Variants in EYA3 observed in about 807,000 individuals in gnomAD.
The protein encoded by EYA3 is protein phosphatase EYA3.
EYA3 carries 39 observed loss-of-function variants against 80.0 expected under a neutral mutation model. The ratio of observed to expected loss-of-function variants is 0.49; its 90% CI spans 0.38 to 0.64. The LOEUF is 0.64. Ranked by LOEUF, EYA3 falls within the 30% of genes least tolerant of loss-of-function variation. The probability of loss-of-function intolerance (pLI) is 0.00; values close to 1 mark genes in which losing one functional copy is unlikely to be tolerated. For synonymous variants in EYA3, 206 were observed against 232.8 expected (o/e 0.88, Z 1.05); for missense variants, 523 against 676.1 (o/e 0.77, Z 2.51).
In EYA3 at chr1:27,989,767, C is replaced by T. The variant is rs768493982; in HGVS notation, c.1348G>A (p.Ala450Thr). 1 of 1,611,750 alleles carries T rather than the reference C, an allele frequency of 6.2e-7. No homozygotes were observed. The highest frequency in any genetic ancestry group is 1.1e-5 in the South Asian group (1 of 90,840). The stretch of plus-strand genomic sequence containing the variant: ...GAATCTGTTAAAACTTCAATTTCTG[C>T]TCTTAATCTCTGCAGTGCTTCCTTC... ...QRKEALQRLRAEIEVLTDSWL... is the reference protein window; with the variant it reads ...QRKEALQRLRTEIEVLTDSWL... The change falls in exon 15 of 18, where the codon GCA becomes ACA. Residue 450 changes from alanine to threonine, a missense_variant. This residue lies in a region of EYA3 where 219 missense variants were observed against 332.8 expected (regional missense o/e 0.66). Transcript: ENST00000373871.
intron 1 of EYA3, among the ~76,000 whole-genome samples, chr1:28,079,571 G>A (rs965175715): frequency 6.6e-6 from 1 of 152,148 alleles, no homozygotes; most frequent in African/African-American, 2.4e-5. Flanking sequence ...GGATTCTAAC[G>A]ATAGAAGCTC....
chr1:28,010,090 C>A (rs1429390615), intron 10 of EYA3, among the ~76,000 whole-genome samples: 1 of 152,112 alleles, frequency 6.6e-6, no homozygotes, highest in Non-Finnish European at 1.5e-5. Flanking sequence ...AGGCTCAGTT[C>A]ACCTATGTCT....
intron 16 of EYA3, among the ~76,000 whole-genome samples, chr1:27,980,712 T>C (rs886838114): frequency 2.0e-5 from 3 of 152,178 alleles, no homozygotes; most frequent in African/African-American, 7.2e-5. Flanking sequence ...AGCCAAATCT[T>C]TGGAGAATAT....
In EYA3 at chr1:27,978,448, C is replaced by A; in HGVS notation, c.1567G>T (p.Val523Leu). The change falls in exon 17 of 18, where the codon GTG becomes TTG. Residue 523 changes from valine to leucine, a missense_variant. Transcript: ENST00000373871. ...IGKESCFERI[V>L]SRFGKKVTYV... Reference sequence around the variant, plus strand: ...GTGACTTTCTTTCCAAACCTTGACACAATTCTCTCAAAGCAGCTCTCCTTA... The same window carrying A: ...GTGACTTTCTTTCCAAACCTTGACAAAATTCTCTCAAAGCAGCTCTCCTTA... 2.5e-6 allele frequency: 4 copies of A among 1,614,070 alleles called. No homozygotes were observed. Among genetic ancestry groups the A allele is most frequent in the Non-Finnish European group, 3.4e-6 (4 of 1,179,976 alleles).
At chr1:28,050,293 A>T (rs931257453) in intron 2 of EYA3, among the ~76,000 whole-genome samples, 1 of 151,368 alleles carries the variant, frequency 6.6e-6, no homozygotes, top group Admixed American at 6.6e-5. Context: ...CCCGGGTTCA[A>T]GCAGTTCTTG....
rs1048944980 is a variant in EYA3, at chr1:27,989,954, A to G, written c.1304-143T>C. On this transcript the variant is annotated intron_variant, in intron 14 of 17. Coordinates refer to ENST00000373871, the MANE Select transcript of EYA3 (RefSeq NM_001990.4). ...TGTTTATATATATATATATACATAT[A>G]CGTATTTTTTTCCCATGAACACATG... is the stretch of plus-strand genomic sequence containing the variant. 17 of 408,170 alleles carry G rather than the reference A, an allele frequency of 4.2e-5. No individual in the cohort carries two copies. The East Asian group carries it at 4.8e-4, about 12-fold the overall frequency. The allele number at this position is 408,170 out of a possible 1,614,324, so 25.3% of individuals were successfully genotyped here. A position where few individuals can be genotyped will look rare whatever the true frequency, so the allele number is the denominator to read the frequency against.
chr1:27,994,688 C>T (rs1293619065), intron 13 of EYA3, among the ~76,000 whole-genome samples: 1 of 152,058 alleles, frequency 6.6e-6, no homozygotes, highest in Non-Finnish European at 1.5e-5. Context: ...TACCCCTGGC[C>T]AGGTGCAGTG....
Position 27,989,691 on chromosome 1 carries a change from C to A in EYA3, c.1418+6G>T. On this transcript the variant is annotated splice_donor_region_variant and intron_variant, in intron 15 of 17. Coordinates refer to ENST00000373871, the MANE Select transcript of EYA3 (RefSeq NM_001990.4). ...AGGATGAGACCTAAAAGAACCATTT[C>A]CATACCTGGACTGGATGAGAAGTAA... 6.3e-7 allele frequency: 1 copy of A among 1,581,082 alleles called. No individual in the cohort carries two copies.
intron 4 of EYA3, among the ~76,000 whole-genome samples, chr1:28,040,809 G>C (rs1236866442): frequency 7.0e-6 from 1 of 143,284 alleles, no homozygotes; most frequent in Admixed American, 7.4e-5. Flanking sequence ...AGAACAAAGA[G>C]AAGGTCCATA....
rs189170301 is a variant in EYA3 at position 28,047,697 on chromosome 1, G to A, written c.77+686C>T. On this transcript the variant is annotated intron_variant, in intron 3 of 17. Coordinates refer to ENST00000373871, the MANE Select transcript of EYA3 (RefSeq NM_001990.4). ...TCTGTCGCCCAGGCTGGAGTGCAGT[G>A]GCGCGATCTCAGCTCACCGCAAGCT... Among the ~76,000 whole-genome samples, 609 of 148,512 alleles carry A rather than the reference G, an allele frequency of 4.1e-3. 3 individuals carry two copies. The highest frequency in any genetic ancestry group is 0.014 in the African/African-American group (579 of 40,174).
chr1:28,014,041 T>A (rs1038735241), intron 8 of EYA3, among the ~76,000 whole-genome samples: 6 of 152,082 alleles, frequency 3.9e-5, no homozygotes, highest in Non-Finnish European at 8.8e-5. Flanking sequence ...CCAGCCTGGG[T>A]GACAAAGCGA....
intron 7 of EYA3, among the ~76,000 whole-genome samples, chr1:28,022,331 G>A (rs886343042): frequency 4.0e-5 from 6 of 151,846 alleles, no homozygotes; most frequent in Non-Finnish European, 7.4e-5. Context: ...TGTATTTTTA[G>A]TAGAGACAGG....
intron 16 of EYA3, 143 bp downstream of exon 16, chr1:27,988,392 C>T (rs1639807500): frequency 1.9e-5 from 17 of 900,114 alleles, no homozygotes; most frequent in Non-Finnish European, 2.6e-5. Context: ...AATTGCATTA[C>T]TGAAAATATT....
intron 1 of EYA3, among the ~76,000 whole-genome samples, chr1:28,060,516 T>C (rs1320493046): frequency 6.6e-6 from 1 of 152,216 alleles, no homozygotes; most frequent in Non-Finnish European, 1.5e-5. Context: ...GATTTTATAA[T>C]AGAAAAAGAA....
intron 17 of EYA3, chr1:27,977,371 T>G: frequency 6.4e-7 from 1 of 1,550,452 alleles, no homozygotes; most frequent in Non-Finnish European, 8.7e-7. Flanking sequence ...AATGCCTCCA[T>G]GTCTAAGAAA....
chr1:28,032,579 C>T (rs17257329), intron 6 of EYA3, among the ~76,000 whole-genome samples: 1 of 151,674 alleles, frequency 6.6e-6, no homozygotes, highest in Admixed American at 6.6e-5. Flanking sequence ...AACAGTGGCA[C>T]CTAAAGGCAT....
At position 27,997,477 on chromosome 1, in the gene EYA3, G is replaced by A; in HGVS notation, c.1084-99C>T. On this transcript the variant is annotated intron_variant, in intron 12 of 17. Transcript: ENST00000373871. ...AGACCATATACAGTGGCAGGATAATGAAATGCCTTATGGAATCTCTTATGT... is the reference window on the plus strand; with the variant it reads ...AGACCATATACAGTGGCAGGATAATAAAATGCCTTATGGAATCTCTTATGT... 3 of 1,043,860 alleles carry A rather than the reference G, an allele frequency of 2.9e-6. No individual in the cohort carries two copies. In the Admixed American group the frequency reaches 5.2e-5, roughly 18 times the overall value. The allele number at this position is 1,043,860 out of a possible 1,614,324, so 64.7% of individuals were successfully genotyped here.
intron 1 of EYA3, among the ~76,000 whole-genome samples, 193 bp downstream of exon 1, chr1:28,088,331 G>A (rs1345920437): frequency 6.6e-6 from 1 of 152,208 alleles, no homozygotes; most frequent in Non-Finnish European, 1.5e-5. Context: ...ACGGAAGCGC[G>A]AGAAGGCTAA....
At chr1:28,010,136 G>A in intron 10 of EYA3, among the ~76,000 whole-genome samples, 1 of 152,080 alleles carries the variant, frequency 6.6e-6, no homozygotes, top group East Asian at 1.9e-4. Context: ...AGTTAAATAT[G>A]TATTTTCCCC....
Sources: gnomAD v4.1 joint callset for allele counts (sites outside exome capture counted in the v4.1 genomes callset) on GRCh38, gnomAD v4.1.1 for gene constraint, gnomAD v4.1.1 regional missense constraint, MANE v1.5 for transcripts, NCBI Gene and HGNC (gene_info 2026-07-23, HGNC 2026-07-21) for gene names.